The following EGFLAM variants were observed in gnomAD, a reference collection of about 807,000 sequenced individuals.
The protein encoded by EGFLAM is EGF like, fibronectin type III and laminin G domains.
EGFLAM carries 79 observed loss-of-function variants against 113.1 expected under a neutral mutation model. That is an observed-to-expected ratio of 0.70 (90% CI 0.58 to 0.84). The LOEUF (loss-of-function observed/expected upper bound fraction) is 0.84. Among genes scored for constraint, EGFLAM ranks in the 40% least tolerant of loss-of-function variants. EGFLAM has a pLI of 0.00. For synonymous variants in EGFLAM, 504 were observed against 487.6 expected, an observed-to-expected ratio of 1.03 and a Z score of -0.44; for missense variants, 1,265 against 1,291.6, an observed-to-expected ratio of 0.98 and a Z score of 0.32.
chr5:38,311,044 G>A (rs1161858923), intron 1 of EGFLAM, among the ~76,000 whole-genome samples: 1 of 151,730 alleles, frequency 6.6e-6, no homozygotes, highest in Non-Finnish European at 1.5e-5. Flanking sequence ...ACCATGGGTT[G>A]GTCGCATTTC....
intron 6 of EGFLAM, among the ~76,000 whole-genome samples, chr5:38,400,829 A>G (rs1420146536): frequency 6.6e-6 from 1 of 152,170 alleles, no homozygotes; most frequent in Non-Finnish European, 1.5e-5. Context: ...GGCGAGTCTC[A>G]TGGATTCTTT....
intron 6 of EGFLAM, among the ~76,000 whole-genome samples, chr5:38,386,403 G>T (rs1410461024): frequency 6.6e-6 from 1 of 152,202 alleles, no homozygotes; most frequent in Non-Finnish European, 1.5e-5. Flanking sequence ...ATGTTGGTCA[G>T]ACTAGTCTCG....
Position 38,263,325 on chromosome 5 carries a change from G to A in EGFLAM, c.97+4474G>A, listed in dbSNP as rs1375897531. On this transcript the variant is annotated intron_variant, in intron 1 of 21. Coordinates refer to ENST00000322350, the MANE Select transcript of EGFLAM (RefSeq NM_152403.4). ...AAAAATACAAAAATTAGCCGGGCTT[G>A]GTGGCGCGTGCCTGTAGTCTCAGCT... 1.3e-5 allele frequency among the ~76,000 whole-genome samples: 2 copies of A among 152,138 alleles called. 1 individual carries two copies.
intron 17 of EGFLAM, among the ~76,000 whole-genome samples, chr5:38,446,051 C>T (rs760320671): frequency 5.3e-5 from 8 of 152,178 alleles, no homozygotes; most frequent in Non-Finnish European, 1.2e-4. Context: ...ACCTCTCCCC[C>T]GTGGGGGTGA....
intron 1 of EGFLAM, among the ~76,000 whole-genome samples, chr5:38,323,835 G>T (rs960455476): frequency 1.3e-5 from 2 of 152,046 alleles, no homozygotes; most frequent in African/African-American, 4.8e-5. Flanking sequence ...GATCACTTGA[G>T]GTCAGGAGTT....
chr5:38,414,570 C>G (rs912033597), intron 11 of EGFLAM, among the ~76,000 whole-genome samples: 1 of 152,136 alleles, frequency 6.6e-6, no homozygotes, highest in African/African-American at 2.4e-5. Flanking sequence ...TCTAGTGACT[C>G]AGATGGTGAC....
chr5:38,394,314 TG>T (rs1206672933), intron 6 of EGFLAM, among the ~76,000 whole-genome samples: 1 of 152,102 alleles, frequency 6.6e-6, no homozygotes, highest in Non-Finnish European at 1.5e-5. Context: ...CTAGCCCTTC[TG>T]TATCAATAGG....
chr5:38,402,536 A>G (rs1478400243), intron 6 of EGFLAM, among the ~76,000 whole-genome samples: 1 of 152,230 alleles, frequency 6.6e-6, no homozygotes, highest in Non-Finnish European at 1.5e-5. Flanking sequence ...TTCTTCTGCA[A>G]TAGGCGATTA....
At chr5:38,456,318 G>A (rs1221365995) in intron 19 of EGFLAM, among the ~76,000 whole-genome samples, 1 of 152,126 alleles carries the variant, frequency 6.6e-6, no homozygotes, top group Non-Finnish European at 1.5e-5. Context: ...ATCAAGGCAG[G>A]TCCGTTGAAT....
chr5:38,386,473 G>A lies in EGFLAM; in HGVS notation c.712+16011G>A, dbSNP rs376702134. Among the ~76,000 whole-genome samples the A allele has an allele frequency of 7.9e-5, 12 of 152,228 alleles. No individual in the cohort carries two copies. In the East Asian group the frequency reaches 1.9e-3, roughly 25 times the overall value. On this transcript the variant is annotated intron_variant, in intron 6 of 21. Transcript: ENST00000322350. ...CTCACAAAGTGCTGAGATTACAGGCGTGAGCCACTGCGCCCAGCCCACAAA... is the reference window on the plus strand; with the variant it reads ...CTCACAAAGTGCTGAGATTACAGGCATGAGCCACTGCGCCCAGCCCACAAA...
At chr5:38,358,227 C>CG (rs1404658249) in intron 5 of EGFLAM, among the ~76,000 whole-genome samples, 1 of 151,354 alleles carries the variant, frequency 6.6e-6, no homozygotes, top group East Asian at 1.9e-4. Context: ...GGGTGGATCA[C>CG]GAGGTCAGGA....
intron 16 of EGFLAM, among the ~76,000 whole-genome samples, chr5:38,435,780 A>G (rs1742323844): frequency 6.6e-6 from 1 of 150,560 alleles, no homozygotes; most frequent in South Asian, 2.1e-4. Flanking sequence ...ACATTCAGTG[A>G]AAGATACTGA....
intron 6 of EGFLAM, among the ~76,000 whole-genome samples, chr5:38,396,383 C>G (rs1053413519): frequency 3.3e-5 from 5 of 152,128 alleles, no homozygotes; most frequent in African/African-American, 4.8e-5. Flanking sequence ...ACCAAACTAC[C>G]AAACTTCCAG....
chr5:38,317,615 G>A (rs955454155), intron 1 of EGFLAM, among the ~76,000 whole-genome samples: 1 of 152,214 alleles, frequency 6.6e-6, no homozygotes, highest in Non-Finnish European at 1.5e-5. Flanking sequence ...GAAAAGGGAT[G>A]TGGTTGGTTT....
chr5:38,259,756 TG>T (rs1757452252), intron 1 of EGFLAM, among the ~76,000 whole-genome samples: 1 of 152,214 alleles, frequency 6.6e-6, no homozygotes, highest in African/African-American at 2.4e-5. Context: ...TTATGAACAA[TG>T]GAAAACAATA....
chr5:38,415,606 G>C (rs55846008), intron 11 of EGFLAM, among the ~76,000 whole-genome samples: 23,183 of 152,066 alleles, frequency 0.15, 1,870 homozygotes, highest in East Asian at 0.24. Context: ...CCCAGGAGGT[G>C]AAGCCTGCAG....
At chr5:38,305,796 A>G (rs1758703950) in intron 1 of EGFLAM, among the ~76,000 whole-genome samples, 1 of 152,230 alleles carries the variant, frequency 6.6e-6, no homozygotes, top group Non-Finnish European at 1.5e-5. Context: ...TAGGTTCTGC[A>G]TGTCACCCTC....
At chr5:38,390,510 G>A (rs897385866) in intron 6 of EGFLAM, among the ~76,000 whole-genome samples, 6 of 152,158 alleles carry the variant, frequency 3.9e-5, no homozygotes, top group Admixed American at 3.9e-4. Context: ...TTCAGCATGT[G>A]CTTTGAAGTG....
chr5:38,409,141 T>C (rs1561075004), intron 10 of EGFLAM, 37 bp downstream of exon 10: 2 of 1,434,034 alleles, frequency 1.4e-6, no homozygotes, highest in Non-Finnish European at 1.9e-6. Context: ...CTTTTTTTGT[T>C]ACATTATCTT....
Sources: gnomAD v4.1 joint callset for allele counts (sites outside exome capture counted in the v4.1 genomes callset) on GRCh38, gnomAD v4.1.1 for gene constraint, MANE v1.5 for transcripts, NCBI Gene and HGNC (gene_info 2026-07-23, HGNC 2026-07-21) for gene names.